ERMARD: variants seen among roughly 807,000 people sequenced by gnomAD.
ERMARD encodes endoplasmic reticulum membrane-associated RNA degradation protein.
A neutral mutation model predicts 83.9 loss-of-function variants in ERMARD; 71 were observed. That is an observed-to-expected ratio of 0.85 (90% CI 0.70 to 1.03). ERMARD has a LOEUF of 1.03. Among genes scored for constraint, ERMARD ranks in the 50% least tolerant of loss-of-function variants. ERMARD has a pLI of 0.00. For synonymous variants in ERMARD, 284 were observed against 298.6 expected, an observed-to-expected ratio of 0.95 and a Z score of 0.50; for missense variants, 838 against 810.9, an observed-to-expected ratio of 1.03 and a Z score of -0.41.
rs751293936 is a variant in ERMARD at position 169,760,647 on chromosome 6, A to G, written c.748A>G (p.Thr250Ala). The change falls in exon 8 of 18, where the codon ACT (threonine) becomes GCT (alanine). Residue 250 changes from threonine (T) to alanine (A), a missense_variant. Transcript: ENST00000366773. ...LEDLIVFPDV[T>A]YEVLSVLEEV... The stretch of plus-strand genomic sequence containing the variant: ...AACCGTGTGTTATTTTACAGATGTT[A>G]CTTATGAGGTGCTTTCAGTATTAGA... The G allele has an allele frequency of 1.3e-5, 20 of 1,587,380 alleles. No homozygotes were observed. Among genetic ancestry groups the G allele is most frequent in the Non-Finnish European group, 1.5e-5 (17 of 1,156,786 alleles).
chr6:169,773,596 C>T (rs1285039327), intron 13 of ERMARD, among the ~76,000 whole-genome samples, 194 bp downstream of exon 13: 1 of 152,162 alleles, frequency 6.6e-6, no homozygotes, highest in Non-Finnish European at 1.5e-5. Context: ...AGTTCCGTGT[C>T]TAGCAGTTGA....
At chr6:169,780,426 T>G (rs1794074607) in intron 17 of ERMARD, among the ~76,000 whole-genome samples, 2 of 152,246 alleles carry the variant, frequency 1.3e-5, no homozygotes, top group African/African-American at 4.8e-5. Context: ...TTTGAATATT[T>G]TCAAGATAAA....
At chr6:169,754,943 T>TAA (rs563738801) in intron 2 of ERMARD, among the ~76,000 whole-genome samples, 2 of 150,454 alleles carry the variant, frequency 1.3e-5, no homozygotes, top group Admixed American at 1.3e-4. Context: ...CTGGTTTAAT[T>TAA]AAAAAAAAAA....
At chr6:169,781,210 C>T in intron 17 of ERMARD, 120 bp from the exon 18 acceptor site, 6 of 873,360 alleles carry the variant, frequency 6.9e-6, no homozygotes, top group Admixed American at 3.6e-5. Flanking sequence ...TTCTTGAATC[C>T]TCAGACATAA....
chr6:169,759,992 C>T lies in ERMARD; in HGVS notation c.742+18C>T. The T allele has an allele frequency of 6.2e-7, 1 of 1,613,958 alleles. No homozygotes were observed. ...TTTTCCTGGTAAGTACTATGTTTCA[C>T]ATTTTTCCTTATAGCTTTGCGTAGA... is the stretch of plus-strand genomic sequence containing the variant. On this transcript the variant is annotated intron_variant, in intron 7 of 17. Coordinates refer to ENST00000366773, the MANE Select transcript of ERMARD (RefSeq NM_018341.3).
At chr6:169,770,948 G>T (rs1475837499) in intron 12 of ERMARD, 2 of 151,466 alleles carry the variant, frequency 1.3e-5, no homozygotes, top group Non-Finnish European at 2.9e-5. Flanking sequence ...TTTGTTTATA[G>T]ATTTTGATTT....
chr6:169,754,632 A>T (rs1404964234), intron 2 of ERMARD, among the ~76,000 whole-genome samples: 1 of 152,180 alleles, frequency 6.6e-6, no homozygotes, highest in Non-Finnish European at 1.5e-5. Context: ...GTAAATTATG[A>T]TAAATTCATA....
intron 2 of ERMARD, 133 bp from the exon 3 acceptor site, chr6:169,755,150 T>A: frequency 2.0e-6 from 2 of 1,013,964 alleles, no homozygotes; most frequent in Non-Finnish European, 2.9e-6. Context: ...GTATATCATA[T>A]GTTCAATGGT....
chr6:169,756,460 A>T (rs760377140), intron 4 of ERMARD, 21 bp downstream of exon 4: 67 of 1,494,978 alleles, frequency 4.5e-5, no homozygotes, highest in Non-Finnish European at 6.0e-5. Flanking sequence ...GAACTCTTTC[A>T]TTATTGGCCC....
At chr6:169,756,186 G>A in intron 3 of ERMARD, 152 bp from the exon 4 acceptor site, 3 of 427,562 alleles carry the variant, frequency 7.0e-6, no homozygotes, top group Non-Finnish European at 1.2e-5. Flanking sequence ...GATTCTTTAG[G>A]CAATATAATT....
At chr6:169,752,712 G>T (rs918328950) in intron 1 of ERMARD, among the ~76,000 whole-genome samples, 6 of 152,146 alleles carry the variant, frequency 3.9e-5, no homozygotes, top group African/African-American at 1.2e-4. Context: ...CCAAAATAAA[G>T]AGCTTCGGTT....
chr6:169,770,333 A>G (rs1792749974), intron 12 of ERMARD: 1 of 152,180 alleles, frequency 6.6e-6, no homozygotes, highest in Non-Finnish European at 1.5e-5. Context: ...GTTCATAGGA[A>G]GGTATGTTAT....
At chr6:169,779,498 GTTTTGTTTT>G (rs1197807767) in intron 17 of ERMARD, among the ~76,000 whole-genome samples, 1 of 145,074 alleles carries the variant, frequency 6.9e-6, no homozygotes, top group African/African-American at 2.7e-5. Context: ...GTTTTGTTTT[GTTTTGTTTT>G]TTTTGGAGAC....
intron 9 of ERMARD, among the ~76,000 whole-genome samples, chr6:169,766,232 C>T (rs1240125567): frequency 1.3e-5 from 2 of 152,186 alleles, no homozygotes; most frequent in African/African-American, 2.4e-5. Context: ...TGAGAAGCAG[C>T]GTGCATGAAA....
At chr6:169,763,336 G>A (rs943630603) in intron 9 of ERMARD, among the ~76,000 whole-genome samples, 5 of 152,084 alleles carry the variant, frequency 3.3e-5, no homozygotes, top group Admixed American at 6.6e-5. Flanking sequence ...AGTGATGAGG[G>A]CCAGGCCTTC....
rs755248825 is a variant in ERMARD at position 169,758,961 on chromosome 6, G to A, written c.508-7G>A. On this transcript the variant is annotated splice_region_variant and splice_polypyrimidine_tract_variant and intron_variant, in intron 5 of 17. Transcript: ENST00000366773. ...TATAATTAACTATGTAATGATTTGC[G>A]GATTAGATGAATGTGCTAAAAGTCT... The A allele has an allele frequency of 1.3e-5, 21 of 1,609,014 alleles. No individual in the cohort carries two copies. Among genetic ancestry groups the A allele is most frequent in the East Asian group, 1.1e-4 (5 of 44,848 alleles).
chr6:169,756,543 T>TA lies in ERMARD; in HGVS notation c.417+108dup, dbSNP rs1790841137. ...TTTTCTTGATTATTTTCCTATAAGA[T>TA]AAAATCATTTAGTATGAATTTTTAA... is the stretch of plus-strand genomic sequence containing the variant. On this transcript the variant is annotated intron_variant, in intron 4 of 17. Transcript: ENST00000366773. The TA allele has an allele frequency of 1.5e-5, 15 of 1,013,904 alleles. No individual in the cohort carries two copies. In the South Asian group the frequency reaches 1.9e-4, roughly 13 times the overall value. The allele number at this position is 1,013,904 out of a possible 1,614,324, so 62.8% of individuals were successfully genotyped here. A position where few individuals can be genotyped will look rare whatever the true frequency, so the allele number is the denominator to read the frequency against.
chr6:169,759,203 A>G (rs1791208813), intron 6 of ERMARD, 138 bp downstream of exon 6: 1 of 750,460 alleles, frequency 1.3e-6, no homozygotes, highest in Non-Finnish European at 2.2e-6. Flanking sequence ...CTAAAATTGA[A>G]TATTACTAGT....
At chr6:169,779,051 A>G (rs529495550) in intron 16 of ERMARD, 131 bp from the exon 17 acceptor site, 11 of 839,990 alleles carry the variant, frequency 1.3e-5, no homozygotes, top group South Asian at 1.3e-4. Context: ...ATTGGGCTCT[A>G]AGGATTAGGA....
Sources: gnomAD v4.1 joint callset for allele counts (sites outside exome capture counted in the v4.1 genomes callset) on GRCh38, gnomAD v4.1.1 for gene constraint, MANE v1.5 for transcripts, NCBI Gene and HGNC (gene_info 2026-07-23, HGNC 2026-07-21) for gene names.